Variants in LPCAT1 observed in about 807,000 individuals in gnomAD.
The protein encoded by LPCAT1 is lysophosphatidylcholine acyltransferase 1.
LPCAT1 carries 23 observed loss-of-function variants against 60.9 expected under a neutral mutation model. The ratio of observed to expected loss-of-function variants is 0.38; its 90% CI spans 0.27 to 0.53. LPCAT1 has a LOEUF of 0.53. Among genes scored for constraint, LPCAT1 ranks in the 20% least tolerant of loss-of-function variants. The pLI, the probability that LPCAT1 is intolerant of heterozygous loss-of-function variation, is 0.82. For missense variants in LPCAT1, 622 were observed against 723.6 expected, an observed-to-expected ratio of 0.86 and a Z score of 1.61; for synonymous variants, 340 against 301.1, an observed-to-expected ratio of 1.13 and a Z score of -1.34.
At chr5:1,515,680 G>A (rs1736487829) in intron 1 of LPCAT1, among the ~76,000 whole-genome samples, 1 of 151,114 alleles carries the variant, frequency 6.6e-6, no homozygotes, top group African/African-American at 2.4e-5. Flanking sequence ...CCACTTAGCT[G>A]CAGGAGCCCC....
chr5:1,515,472 A>T (rs1384465986), intron 1 of LPCAT1, among the ~76,000 whole-genome samples: 1 of 88,188 alleles, frequency 1.1e-5, no homozygotes, highest in Non-Finnish European at 2.2e-5. Context: ...AGCCCAGAAC[A>T]TCCTGGCCCA....
At chr5:1,466,321 G>A (rs1734400930) in intron 13 of LPCAT1, among the ~76,000 whole-genome samples, 1 of 152,110 alleles carries the variant, frequency 6.6e-6, no homozygotes. Flanking sequence ...CGGCACGGGG[G>A]TCTGCAGCGC....
chr5:1,474,516 A>G (rs1734816815), intron 10 of LPCAT1, 44 bp downstream of exon 10: 1 of 1,603,152 alleles, frequency 6.2e-7, no homozygotes, highest in Non-Finnish European at 8.5e-7. Flanking sequence ...CCTCGGCATC[A>G]CGGGTTCTAG....
intron 5 of LPCAT1, among the ~76,000 whole-genome samples, chr5:1,485,162 A>T (rs758712068): frequency 1.3e-5 from 2 of 152,144 alleles, no homozygotes; most frequent in Non-Finnish European, 2.9e-5. Context: ...AGGGGACATC[A>T]CTGAAACTCA....
intron 1 of LPCAT1, among the ~76,000 whole-genome samples, chr5:1,511,971 A>G (rs1329689264): frequency 1.3e-5 from 2 of 152,202 alleles, no homozygotes; most frequent in African/African-American, 4.8e-5. Context: ...GCTTGGGAGG[A>G]GCATCACTTC....
At chr5:1,493,855 A>G (rs988101038) in intron 3 of LPCAT1, among the ~76,000 whole-genome samples, 7 of 152,182 alleles carry the variant, frequency 4.6e-5, no homozygotes, top group African/African-American at 1.7e-4. Context: ...TACAGAGGTA[A>G]CTCGTTAAGG....
chr5:1,511,793 G>A (rs1051814887), intron 1 of LPCAT1, among the ~76,000 whole-genome samples: 2 of 152,224 alleles, frequency 1.3e-5, no homozygotes, highest in African/African-American at 4.8e-5. Context: ...CAGGAGGGAG[G>A]TCCATCGAGC....
chr5:1,488,336 T>C (rs1003656966), intron 5 of LPCAT1, 55 bp downstream of exon 5: 2 of 1,149,580 alleles, frequency 1.7e-6, no homozygotes, highest in South Asian at 2.7e-5. Context: ...AAAACATCTC[T>C]TTAATATTTT....
At chr5:1,517,676 C>CAA (rs35322573) in intron 1 of LPCAT1, among the ~76,000 whole-genome samples, 29,733 of 149,090 alleles carry the variant, frequency 0.2, 3,143 homozygotes, top group Middle Eastern at 0.3. Context: ...AATTCAACTG[C>CAA]AAAAAAAAAA....
At chr5:1,489,035 T>A (rs1316707254) in intron 4 of LPCAT1, among the ~76,000 whole-genome samples, 1 of 152,138 alleles carries the variant, frequency 6.6e-6, no homozygotes, top group Non-Finnish European at 1.5e-5. Flanking sequence ...GCAGGCTGCT[T>A]TCAGTTCTGG....
rs1470959665 is a variant in LPCAT1, at chr5:1,476,313, G to T, written c.899+1091C>A. 6.6e-6 allele frequency among the ~76,000 whole-genome samples: 1 copy of T among 152,194 alleles called. No individual in the cohort carries two copies. ...TATTGTTCAGAGCTGCCTGTGGTGG[G>T]GGTTGAGTGGAGCTTTGCGGGACAG... On this transcript the variant is annotated intron_variant, in intron 9 of 13. Coordinates refer to ENST00000283415, the MANE Select transcript of LPCAT1 (RefSeq NM_024830.5). The surrounding 1 kb of genome is among the most constrained non-coding windows in gnomAD (Gnocchi z 8.6).
intron 1 of LPCAT1, among the ~76,000 whole-genome samples, chr5:1,508,247 T>A (rs1736246637): frequency 6.6e-6 from 1 of 152,222 alleles, no homozygotes. Flanking sequence ...TTCTCCGGGC[T>A]GGGGGACAGG....
intron 10 of LPCAT1, 135 bp downstream of exon 10, chr5:1,474,425 T>C (rs1359196088): frequency 1.1e-5 from 14 of 1,232,530 alleles, no homozygotes; most frequent in Non-Finnish European, 1.6e-5. Flanking sequence ...TGGGCTTAAG[T>C]TGATATTTGA....
intron 3 of LPCAT1, among the ~76,000 whole-genome samples, chr5:1,491,395 G>C (rs1002470177): frequency 6.6e-6 from 1 of 151,798 alleles, no homozygotes; most frequent in Non-Finnish European, 1.5e-5. Context: ...CAGCTGGTTT[G>C]TTTTGTGAAC....
chr5:1,468,080 G>A (rs1055295359), intron 12 of LPCAT1, among the ~76,000 whole-genome samples: 1 of 152,138 alleles, frequency 6.6e-6, no homozygotes, highest in African/African-American at 2.4e-5. Context: ...GCGGTGCTCA[G>A]GGAAGAAACG....
Position 1,476,718 on chromosome 5 carries a change from G to T in LPCAT1, c.899+686C>A, listed in dbSNP as rs1734933705. 6.6e-6 allele frequency among the ~76,000 whole-genome samples: 1 copy of T among 152,110 alleles called. No homozygotes were observed. Among genetic ancestry groups the T allele is most frequent in the East Asian group, 1.9e-4 (1 of 5,194 alleles). On this transcript the variant is annotated intron_variant, in intron 9 of 13. Transcript: ENST00000283415. This position sits in a 1 kb window ranked among gnomAD's most constrained non-coding sequence, Gnocchi z 8.6. ...AGCACTAGGGAGGCATTCACGTGGG[G>T]GTAAATCCAGGTGGGAGGACCTGGT...
chr5:1,492,573 G>A (rs968541596), intron 3 of LPCAT1, among the ~76,000 whole-genome samples: 3 of 152,216 alleles, frequency 2.0e-5, no homozygotes, highest in African/African-American at 4.8e-5. Flanking sequence ...TCGCAGGTCC[G>A]TGGATTATCT....
In LPCAT1 at chr5:1,483,940, A is replaced by G. The variant is rs567703111; in HGVS notation, c.668-454T>C. On this transcript the variant is annotated intron_variant, in intron 5 of 13. Transcript: ENST00000283415. The surrounding 1 kb of genome is among the most constrained non-coding windows in gnomAD (Gnocchi z 9.2). ...GACACTTTCTGCTGTAACATCGCGC[A>G]CCAGCTGGAAGGCGTTGGTGGGAAG... Among the ~76,000 whole-genome samples, 1 of 152,192 alleles carries G rather than the reference A, an allele frequency of 6.6e-6. No individual in the cohort carries two copies. Among genetic ancestry groups the G allele is most frequent in the Non-Finnish European group, 1.5e-5 (1 of 68,036 alleles).
chr5:1,472,998 T>A (rs2962065), intron 11 of LPCAT1, among the ~76,000 whole-genome samples: 25 of 151,758 alleles, frequency 1.6e-4, no homozygotes, highest in Non-Finnish European at 2.9e-4. Context: ...CTTCTCTTGC[T>A]CTCTCCAACC....
Sources: allele counts gnomAD v4.1 joint callset (sites outside exome capture counted in the v4.1 genomes callset), GRCh38; gene constraint gnomAD v4.1.1; non-coding constraint Gnocchi (gnomAD v3.1); transcripts MANE v1.5; gene names NCBI Gene and HGNC (gene_info 2026-07-23, HGNC 2026-07-21).